TNPO2: variants seen among roughly 807,000 people sequenced by gnomAD.
The protein encoded by TNPO2 is transportin-2.
In TNPO2, 16 loss-of-function variants were observed where a neutral mutation model predicts 111.1. The observed-to-expected ratio is 0.14, with a 90% confidence interval of 0.10 to 0.22. The LOEUF is 0.22. TNPO2 is among the 10% of genes least tolerant of loss of function. The pLI is 1.00. For synonymous variants in TNPO2, 481 were observed against 475.8 expected, an observed-to-expected ratio of 1.01 and a Z score of -0.14; for missense variants, 530 against 1,173.7, an observed-to-expected ratio of 0.45 and a Z score of 8.01.
In TNPO2 at chr19:12,706,802, G is replaced by A. The variant is rs1308426848; in HGVS notation, c.1271-7C>T. On this transcript the variant is annotated splice_polypyrimidine_tract_variant and splice_region_variant and intron_variant, in intron 13 of 25. Transcript: ENST00000425528. The surrounding 1 kb of genome is among the most constrained non-coding windows in gnomAD (Gnocchi z 7.0). The stretch of plus-strand genomic sequence containing the variant: ...ACCATGCCCTGCATGCAGCCTACAA[G>A]GAAAGGGAACCAAGAGGGGGCAGTT... 1 of 1,596,194 alleles carries A rather than the reference G, an allele frequency of 6.3e-7. No homozygotes were observed. The highest frequency in any genetic ancestry group is 2.3e-5 in the East Asian group (1 of 43,794).
In TNPO2 at chr19:12,706,773, G is replaced by A. The variant is rs780075966; in HGVS notation, c.1293C>T (p.Pro431=). ...IAEGCMQGMV[P]YLPELIPHLI... ...GGTGCGGGATCAGCTCAGGCAGGTA[G>A]GGCACCATGCCCTGCATGCAGCCTA... The change falls in exon 14 of 26, where the codon CCC becomes CCT. Residue 431 remains proline (P), a synonymous_variant. Coordinates refer to ENST00000425528, the MANE Select transcript of TNPO2 (RefSeq NM_001382241.1). This position sits in a 1 kb window ranked among gnomAD's most constrained non-coding sequence, Gnocchi z 7.0. The A allele has an allele frequency of 6.2e-7, 1 of 1,610,544 alleles. No homozygotes were observed. The highest frequency in any genetic ancestry group is 8.5e-7 in the Non-Finnish European group (1 of 1,178,416).
At chr19:12,718,670 G>A (rs1013115605) in intron 5 of TNPO2, among the ~76,000 whole-genome samples, 5 of 152,080 alleles carry the variant, frequency 3.3e-5, no homozygotes, top group Admixed American at 6.6e-5. Flanking sequence ...ACCTAATTCC[G>A]TTGCACCTGA....
Position 12,702,972 on chromosome 19 carries a change from AG to A in TNPO2, c.2210-55del. ...ACAGCCCCCGCCACCCACAGGGGCCAGGGGGCCGCCCCACCTCACTCACTAC... is the reference window on the plus strand; with the variant it reads ...ACAGCCCCCGCCACCCACAGGGGCCAGGGGCCGCCCCACCTCACTCACTAC... On this transcript the variant is annotated intron_variant, in intron 20 of 25. Coordinates refer to ENST00000425528, the MANE Select transcript of TNPO2 (RefSeq NM_001382241.1). The surrounding 1 kb of genome is among the most constrained non-coding windows in gnomAD (Gnocchi z 5.5). The A allele has an allele frequency of 2.6e-6, 4 of 1,529,122 alleles. No individual in the cohort carries two copies. Among genetic ancestry groups the A allele is most frequent in the Non-Finnish European group, 2.7e-6 (3 of 1,106,950 alleles). 94.7% of individuals were successfully genotyped at this position (1,529,122 alleles called of 1,614,324 possible).
At chr19:12,707,479 C>CTTTTTTTTTT (rs56817777) in intron 13 of TNPO2, among the ~76,000 whole-genome samples, 1 of 75,022 alleles carries the variant, frequency 1.3e-5, no homozygotes, top group Non-Finnish European at 2.6e-5. Context: ...TGTGAGTTTT[C>CTTTTTTTTTT]TTTTTTTTTT....
chr19:12,722,350 C>A (rs1214926305), intron 2 of TNPO2: 1 of 150,822 alleles, frequency 6.6e-6, no homozygotes, highest in East Asian at 2.0e-4. Flanking sequence ...GCCCAACCGG[C>A]TTCCCGGCCT....
intron 10 of TNPO2, among the ~76,000 whole-genome samples, chr19:12,714,231 T>G (rs966051860): frequency 1.3e-5 from 2 of 151,894 alleles, no homozygotes; most frequent in African/African-American, 4.8e-5. Flanking sequence ...GGGAAGCAGA[T>G]CTGAGACCAC....
chr19:12,719,799 G>GGA lies in TNPO2; in HGVS notation c.100-464_100-463insTC, dbSNP rs1555719911. 7.8e-5 allele frequency among the ~76,000 whole-genome samples: 11 copies of GGA among 141,642 alleles called. No individual in the cohort carries two copies. Among genetic ancestry groups the GGA allele is most frequent in the African/African-American group, 2.8e-4 (11 of 38,812 alleles). 92.9% of individuals were successfully genotyped at this position (141,642 alleles called of 152,430 possible). ...GGGCGACAGAGCAAGACTCCATCTTGAAAAAAAAAAAAATCATACAAGGAG... is the reference window on the plus strand; with the variant it reads ...GGGCGACAGAGCAAGACTCCATCTTGGAAAAAAAAAAAAAATCATACAAGGAG... On this transcript the variant is annotated intron_variant, in intron 3 of 25. Coordinates refer to ENST00000425528, the MANE Select transcript of TNPO2 (RefSeq NM_001382241.1). The surrounding 1 kb of genome is among the most constrained non-coding windows in gnomAD (Gnocchi z 5.0).
At position 12,706,482 on chromosome 19, in the gene TNPO2, G is replaced by T; in HGVS notation, c.1496+88C>A. On this transcript the variant is annotated intron_variant, in intron 14 of 25. Transcript: ENST00000425528. The surrounding 1 kb of genome is among the most constrained non-coding windows in gnomAD (Gnocchi z 7.0). ...GCCAGTACGAATACGCGATAAATCA[G>T]TTCCACATCAACAGTCACAGGTGTC... is the stretch of plus-strand genomic sequence containing the variant. The T allele has an allele frequency of 1.3e-6, 2 of 1,573,118 alleles. No individual in the cohort carries two copies. Among genetic ancestry groups the T allele is most frequent in the South Asian group, 1.1e-5 (1 of 90,156 alleles).
chr19:12,706,861 G>A lies in TNPO2; in HGVS notation c.1271-66C>T. On this transcript the variant is annotated intron_variant, in intron 13 of 25. Transcript: ENST00000425528. This position sits in a 1 kb window ranked among gnomAD's most constrained non-coding sequence, Gnocchi z 7.0. ...CCCAGCCACACCCACCGTATGGAGA[G>A]AAGAGTCAGCCGCACACAACATATA... 1 of 1,352,102 alleles carries A rather than the reference G, an allele frequency of 7.4e-7. No homozygotes were observed. The highest frequency in any genetic ancestry group is 1.0e-6 in the Non-Finnish European group (1 of 968,912). 83.8% of individuals were successfully genotyped at this position (1,352,102 alleles called of 1,614,324 possible). A position where few individuals can be genotyped will look rare whatever the true frequency, so the allele number is the denominator to read the frequency against.
rs573374076 is a variant in TNPO2 at position 12,704,957 on chromosome 19, T to C, written c.2022+283A>G. On this transcript the variant is annotated intron_variant, in intron 18 of 25. Transcript: ENST00000425528. ...CACAGCCTCCCAAAGTGCTGGATTATAGGCGTGAGCACCTGGCCTCACATT... is the reference window on the plus strand; with the variant it reads ...CACAGCCTCCCAAAGTGCTGGATTACAGGCGTGAGCACCTGGCCTCACATT... 2.6e-5 allele frequency among the ~76,000 whole-genome samples: 4 copies of C among 152,254 alleles called. No homozygotes were observed. In the East Asian group the frequency reaches 7.7e-4, roughly 29 times the overall value.
Position 12,701,283 on chromosome 19 carries a change from G to A in TNPO2, c.*21-40C>T, listed in dbSNP as rs559572812. 52 of 1,377,850 alleles carry A rather than the reference G, an allele frequency of 3.8e-5. No individual in the cohort carries two copies. The Admixed American group carries it at 6.5e-4, about 17-fold the overall frequency. The allele number at this position is 1,377,850 out of a possible 1,614,324, so 85.4% of individuals were successfully genotyped here. A position where few individuals can be genotyped will look rare whatever the true frequency, so the allele number is the denominator to read the frequency against. On this transcript the variant is annotated intron_variant, in intron 25 of 25. Coordinates refer to ENST00000425528, the MANE Select transcript of TNPO2 (RefSeq NM_001382241.1). The surrounding 1 kb of genome is among the most constrained non-coding windows in gnomAD (Gnocchi z 5.0). ...GGAAGGTCATGGCCTGGGACCTTTC[G>A]GCCCCCAAGACAGTGCTGACTTGCC... is the stretch of plus-strand genomic sequence containing the variant.
At position 12,711,417 on chromosome 19, in the gene TNPO2, G is replaced by A. The variant is rs202162817; in HGVS notation, c.996C>T (p.Asp332=). The change falls in exon 12 of 26, where the codon GAC becomes GAT. Residue 332 remains aspartate (D), a synonymous_variant. Coordinates refer to ENST00000425528, the MANE Select transcript of TNPO2 (RefSeq NM_001382241.1). ...EDEAVPDSEQ[D]IKPRFHKSRT... is the part of the protein sequence containing the mutation. ...GTGACTTGTGGAAGCGTGGCTTGAT[G>A]TCCTGCTCACTGTCGGGGACAGCCT... 5.0e-6 allele frequency: 8 copies of A among 1,614,048 alleles called. No homozygotes were observed. The African/African-American group carries it at 5.3e-5, about 11-fold the overall frequency.
At chr19:12,720,016 ATATT>A (rs1402658555) in intron 3 of TNPO2, among the ~76,000 whole-genome samples, 2 of 150,840 alleles carry the variant, frequency 1.3e-5, no homozygotes, top group Non-Finnish European at 2.9e-5. Context: ...CATGGTTTAA[ATATT>A]TATTTATTTA....
rs767856056 is a variant in TNPO2, at chr19:12,715,183, C to T, written c.649-14G>A. 2.6e-5 allele frequency: 42 copies of T among 1,613,042 alleles called. No individual in the cohort carries two copies. Among genetic ancestry groups the T allele is most frequent in the Non-Finnish European group, 3.3e-5 (39 of 1,179,290 alleles). On this transcript the variant is annotated splice_polypyrimidine_tract_variant and intron_variant, in intron 8 of 25. Coordinates refer to ENST00000425528, the MANE Select transcript of TNPO2 (RefSeq NM_001382241.1). This position sits in a 1 kb window ranked among gnomAD's most constrained non-coding sequence, Gnocchi z 7.1. ...GGCAAATAGGTGCTGCAGGGAGGAACAGGGTCAGTTGTAGGGGCCCTCAGT... is the reference window on the plus strand; with the variant it reads ...GGCAAATAGGTGCTGCAGGGAGGAATAGGGTCAGTTGTAGGGGCCCTCAGT...
chr19:12,721,971 AC>A lies in TNPO2; in HGVS notation c.-13-982del, dbSNP rs1277423831. On this transcript the variant is annotated intron_variant, in intron 2 of 25. Transcript: ENST00000425528. The surrounding 1 kb of genome is among the most constrained non-coding windows in gnomAD (Gnocchi z 4.9). The stretch of plus-strand genomic sequence containing the variant: ...GCATTCCCCTCAACGGATCCCAGCA[AC>A]GCCTCGAAGTCAGATCCAAGAAAAC... Among the ~76,000 whole-genome samples the A allele has an allele frequency of 6.7e-6, 1 of 150,238 alleles. No individual in the cohort carries two copies. The highest frequency in any genetic ancestry group is 1.5e-5 in the Non-Finnish European group (1 of 67,592).
In TNPO2 at chr19:12,702,918, C is replaced by G. The variant is rs2025404993; in HGVS notation, c.2210G>C (p.Gly737Ala). The G allele has an allele frequency of 1.2e-6, 2 of 1,613,594 alleles. No homozygotes were observed. The highest frequency in any genetic ancestry group is 1.7e-6 in the Non-Finnish European group (2 of 1,179,680). Residue 737 changes from glycine (G) to alanine (A), a missense_variant and splice_region_variant, in exon 21 of 26, where the codon GGG (glycine) becomes GCG (alanine). Physicochemically the swap from Gly to Ala is moderately conservative, Grantham distance 60 (BLOSUM62 0). Transcript: ENST00000425528. This position sits in a 1 kb window ranked among gnomAD's most constrained non-coding sequence, Gnocchi z 5.5. Reference sequence around the variant, plus strand: ...CTGCACATAAGGCTGCATCTCTGCCCCTGGGGGAGCACCCAGTCAGAGCCC... The same window carrying G: ...CTGCACATAAGGCTGCATCTCTGCCGCTGGGGGAGCACCCAGTCAGAGCCC... Reference protein sequence around the residue: ...WAIGEICMQMGAEMQPYVQMV... With the variant: ...WAIGEICMQMAAEMQPYVQMV...
Position 12,715,114 on chromosome 19 carries a change from C to T in TNPO2, c.704G>A (p.Arg235His), listed in dbSNP as rs776108182. ...DDPEVRKNVC[R>H]ALVMLLEVRI... is the part of the protein sequence containing the mutation. ...CACTTCCAGAAGCATCACCAGGGCA[C>T]GGCACACATTCTTCCGCACCTCGGG... The change falls in exon 9 of 26, where the codon CGT becomes CAT. Residue 235 changes from arginine to histidine, a missense_variant. By Grantham distance (29) the Arg-to-His change is conservative. Transcript: ENST00000425528. This position sits in a 1 kb window ranked among gnomAD's most constrained non-coding sequence, Gnocchi z 7.1. 1.4e-5 allele frequency: 23 copies of T among 1,591,856 alleles called. No homozygotes were observed. The highest frequency in any genetic ancestry group is 5.4e-5 in the African/African-American group (4 of 74,638).
Position 12,701,290 on chromosome 19 carries a change from A to C in TNPO2, c.*20+36T>G. 5.5e-6 allele frequency: 8 copies of C among 1,460,668 alleles called. No individual in the cohort carries two copies. Among genetic ancestry groups the C allele is most frequent in the Non-Finnish European group, 7.6e-6 (8 of 1,047,402 alleles). The allele number at this position is 1,460,668 out of a possible 1,614,324, so 90.5% of individuals were successfully genotyped here. A position where few individuals can be genotyped will look rare whatever the true frequency, so the allele number is the denominator to read the frequency against. ...CATGGCCTGGGACCTTTCGGCCCCC[A>C]AGACAGTGCTGACTTGCCAGCTGCA... is the stretch of plus-strand genomic sequence containing the variant. On this transcript the variant is annotated intron_variant, in intron 25 of 25. Transcript: ENST00000425528. The surrounding 1 kb of genome is among the most constrained non-coding windows in gnomAD (Gnocchi z 5.0).
Position 12,702,501 on chromosome 19 carries a change from G to A in TNPO2, c.2305+322C>T. ...CCTGCCTCAGCCTCCCGAGTAGCTG[G>A]GATTGCAGGCACGTGCCATTACCCC... On this transcript the variant is annotated intron_variant, in intron 21 of 25. Coordinates refer to ENST00000425528, the MANE Select transcript of TNPO2 (RefSeq NM_001382241.1). This position sits in a 1 kb window ranked among gnomAD's most constrained non-coding sequence, Gnocchi z 5.5. The A allele has an allele frequency of 1.8e-6, 1 of 542,862 alleles. No homozygotes were observed. Among genetic ancestry groups the A allele is most frequent in the South Asian group, 1.9e-5 (1 of 52,570 alleles). The allele number at this position is 542,862 out of a possible 1,614,324, so 33.6% of individuals were successfully genotyped here.
Sources: gnomAD v4.1 joint callset for allele counts (sites outside exome capture counted in the v4.1 genomes callset) on GRCh38, gnomAD v4.1.1 for gene constraint, Gnocchi (gnomAD v3.1) non-coding constraint, MANE v1.5 for transcripts, NCBI Gene and HGNC (gene_info 2026-07-23, HGNC 2026-07-21) for gene names.